The following KCNMA1 variants were observed in gnomAD, a reference collection of about 807,000 sequenced individuals.
KCNMA1 encodes Calcium-activated potassium channel subunit alpha-1.
A neutral mutation model predicts 140.0 loss-of-function variants in KCNMA1; 29 were observed. The observed-to-expected ratio is 0.21, with a 90% CI of 0.15 to 0.28. The LOEUF (loss-of-function observed/expected upper bound fraction) is 0.28. KCNMA1 is among the 10% of genes least tolerant of loss of function. The pLI, the probability that KCNMA1 is intolerant of heterozygous loss-of-function variation, is 1.00. For synonymous variants in KCNMA1, 612 were observed against 611.9 expected (o/e 1.00, Z 0.00); for missense variants, 880 against 1,602.2 (o/e 0.55, Z 7.70).
At chr10:77,240,850 G>C (rs11002095) in intron 3 of KCNMA1, among the ~76,000 whole-genome samples, 3 of 152,032 alleles carry the variant, frequency 2.0e-5, no homozygotes, top group African/African-American at 7.2e-5. Context: ...GCAAACATCA[G>C]ATGAAAAAAA....
chr10:77,075,104 C>G (rs2096348855), intron 13 of KCNMA1, among the ~76,000 whole-genome samples: 1 of 152,228 alleles, frequency 6.6e-6, no homozygotes. Context: ...GGAGAGATGA[C>G]AGTGCCCTCC....
intron 23 of KCNMA1, among the ~76,000 whole-genome samples, chr10:76,918,881 T>G (rs959698117): frequency 5.4e-5 from 8 of 149,464 alleles, no homozygotes; most frequent in South Asian, 2.1e-4. Context: ...AACTGTGAGA[T>G]ATATATATAT....
chr10:77,549,052 A>G (rs2062109640), intron 1 of KCNMA1, among the ~76,000 whole-genome samples: 1 of 152,204 alleles, frequency 6.6e-6, no homozygotes, highest in South Asian at 2.1e-4. Context: ...TCACACACTG[A>G]GCAGACCTGC....
intron 1 of KCNMA1, among the ~76,000 whole-genome samples, chr10:77,549,394 A>G (rs1327544753): frequency 2.6e-5 from 4 of 152,204 alleles, no homozygotes; most frequent in Non-Finnish European, 5.9e-5. Flanking sequence ...CCCTAGTTCA[A>G]TCATCACAGA....
intron 2 of KCNMA1, among the ~76,000 whole-genome samples, chr10:77,261,408 G>A (rs2061978038): frequency 1.3e-5 from 2 of 152,110 alleles, no homozygotes; most frequent in Admixed American, 1.3e-4. Context: ...CCCTTCTGAG[G>A]CCTGTGACAT....
chr10:77,047,483 C>A (rs1407015900), intron 14 of KCNMA1, among the ~76,000 whole-genome samples: 2 of 151,858 alleles, frequency 1.3e-5, no homozygotes, highest in African/African-American at 2.4e-5. Flanking sequence ...GCCAGAGGAA[C>A]TGAAGGTAAA....
chr10:76,902,214 C>T (rs1256186226), intron 25 of KCNMA1: 2 of 152,234 alleles, frequency 1.3e-5, no homozygotes. Context: ...AAGGCGCTTC[C>T]TGCGGAGGAA....
rs527926977 is a variant in KCNMA1 at position 77,134,815 on chromosome 10, G to A, written c.809-13767C>T. The stretch of plus-strand genomic sequence containing the variant: ...AGATCGAGACCATCCTGGCTAATAC[G>A]GTGAAACCCCGTCTCTACTAAAAAT... On this transcript the variant is annotated intron_variant, in intron 5 of 27. Transcript: ENST00000286628. Among the ~76,000 whole-genome samples the A allele has an allele frequency of 1.1e-4, 17 of 151,614 alleles. No homozygotes were observed. The South Asian group carries it at 1.7e-3, about 15-fold the overall frequency.
intron 1 of KCNMA1, among the ~76,000 whole-genome samples, chr10:77,439,245 T>C (rs2154508116): frequency 6.6e-6 from 1 of 152,322 alleles, no homozygotes; most frequent in African/African-American, 2.4e-5. Flanking sequence ...ATCACCTAGA[T>C]TATACCATAA....
chr10:77,207,796 C>T (rs1435539523), intron 3 of KCNMA1, among the ~76,000 whole-genome samples: 1 of 152,154 alleles, frequency 6.6e-6, no homozygotes, highest in Non-Finnish European at 1.5e-5. Flanking sequence ...GCGTGCATAC[C>T]ATAAATGCTT....
At chr10:77,560,141 C>A (rs2065897028) in intron 1 of KCNMA1, among the ~76,000 whole-genome samples, 1 of 152,186 alleles carries the variant, frequency 6.6e-6, no homozygotes. Flanking sequence ...CAAGATCGCG[C>A]TACTGCACTC....
intron 2 of KCNMA1, among the ~76,000 whole-genome samples, chr10:77,284,908 T>C (rs2070201920): frequency 6.6e-6 from 1 of 152,184 alleles, no homozygotes; most frequent in Non-Finnish European, 1.5e-5. Flanking sequence ...AAATTAAGGT[T>C]ATAACAGCTA....
chr10:77,453,788 C>T (rs2097707494), intron 1 of KCNMA1, among the ~76,000 whole-genome samples: 1 of 152,162 alleles, frequency 6.6e-6, no homozygotes, highest in South Asian at 2.1e-4. Flanking sequence ...TGGACACAGG[C>T]ATGTGTGAAA....
At chr10:76,887,777 C>T (rs904356019) in intron 27 of KCNMA1, 17 of 508,878 alleles carry the variant, frequency 3.3e-5, no homozygotes, top group Non-Finnish European at 5.3e-5. Flanking sequence ...AACTTCGCTT[C>T]TCGTGGTCTA....
chr10:77,472,139 CCACACATAT>C (rs959312659), intron 1 of KCNMA1, among the ~76,000 whole-genome samples: 15 of 150,636 alleles, frequency 1.0e-4, no homozygotes, highest in African/African-American at 1.9e-4. Flanking sequence ...ACACTACATA[CCACACATAT>C]CACACATATA....
chr10:77,026,926 A>G (rs2093507554), intron 16 of KCNMA1, among the ~76,000 whole-genome samples: 1 of 152,160 alleles, frequency 6.6e-6, no homozygotes, highest in Admixed American at 6.5e-5. Context: ...CTCAGTTATT[A>G]AGGTGTTTGT....
chr10:76,906,579 T>G (rs1223474822), intron 25 of KCNMA1, among the ~76,000 whole-genome samples: 1 of 152,178 alleles, frequency 6.6e-6, no homozygotes, highest in African/African-American at 2.4e-5. Context: ...AATGACAATT[T>G]GGGGAGGAGC....
intron 1 of KCNMA1, among the ~76,000 whole-genome samples, chr10:77,522,688 G>A (rs1162114835): frequency 6.6e-6 from 1 of 152,126 alleles, no homozygotes; most frequent in Non-Finnish European, 1.5e-5. Context: ...TTGGATGGAG[G>A]TCTTTATCCT....
intron 3 of KCNMA1, among the ~76,000 whole-genome samples, chr10:77,245,247 C>G (rs571396): frequency 0.35 from 53,534 of 152,106 alleles, 10,095 homozygotes; most frequent in East Asian, 0.58. Flanking sequence ...GAACTGGTTA[C>G]AGAGTAGGCT....
Sources: allele counts gnomAD v4.1 joint callset (sites outside exome capture counted in the v4.1 genomes callset), GRCh38; gene constraint gnomAD v4.1.1; transcripts MANE v1.5; gene names NCBI Gene and HGNC (gene_info 2026-07-23, HGNC 2026-07-21).